RASSF5: variants seen among roughly 807,000 people sequenced by gnomAD.
RASSF5 encodes ras association domain-containing protein 5.
Under a neutral mutation model 40.5 loss-of-function variants are expected in RASSF5, and 25 were observed. The observed-to-expected ratio is 0.62, with a 90% CI of 0.45 to 0.86. The LOEUF (loss-of-function observed/expected upper bound fraction) is 0.86, where lower values mean the gene tolerates loss of function less well. Among genes scored for constraint, RASSF5 ranks in the 40% least tolerant of loss-of-function variants. RASSF5 has a pLI of 0.00. For missense variants in RASSF5, 521 were observed against 572.8 expected (o/e 0.91, Z 0.92); for synonymous variants, 246 against 252.4 (o/e 0.97, Z 0.24).
At chr1:206,580,562 A>G (rs1668831760) in intron 2 of RASSF5, 1 of 152,200 alleles carries the variant, frequency 6.6e-6, no homozygotes, top group Non-Finnish European at 1.5e-5. Flanking sequence ...AGGACTGAGG[A>G]TGGGGAGCTC....
At position 206,583,294 on chromosome 1, in the gene RASSF5, C is replaced by T; in HGVS notation, c.605C>T (p.Thr202Ile). ...SQNVCKPVEETQRPPTLQEIK... is the reference protein window; with the variant it reads ...SQNVCKPVEEIQRPPTLQEIK... ...AATGTCTGTAAACCTGTGGAGGAGA[C>T]ACAGCGCCCGCCCACACTGCAGGAG... Residue 202 changes from threonine to isoleucine, a missense_variant, in exon 3 of 6, where the codon ACA (threonine) becomes ATA (isoleucine). Around this residue, in one of 2 missense-constraint regions of RASSF5, gnomAD observed 284 missense variants for 360.8 expected, o/e 0.79. Coordinates refer to ENST00000579436, the MANE Select transcript of RASSF5 (RefSeq NM_182663.4). 6.2e-7 allele frequency: 1 copy of T among 1,613,468 alleles called. No homozygotes were observed. The highest frequency in any genetic ancestry group is 1.1e-5 in the South Asian group (1 of 91,072).
intron 2 of RASSF5, chr1:206,572,657 C>G (rs568163085): frequency 2.7e-4 from 41 of 152,324 alleles, no homozygotes; most frequent in African/African-American, 9.6e-4. Flanking sequence ...CATCGTGCCA[C>G]AGGCACACAC....
chr1:206,551,458 T>G (rs1217652938), intron 2 of RASSF5, among the ~76,000 whole-genome samples: 1 of 152,172 alleles, frequency 6.6e-6, no homozygotes, highest in African/African-American at 2.4e-5. Flanking sequence ...CTTCACAGAC[T>G]CCTGCCACAC....
At chr1:206,522,061 G>T (rs761833697) in intron 1 of RASSF5, among the ~76,000 whole-genome samples, 7 of 152,082 alleles carry the variant, frequency 4.6e-5, no homozygotes, top group Non-Finnish European at 7.4e-5. Context: ...CCTGGCAATA[G>T]GATTTCTTTT....
At chr1:206,528,777 C>T (rs1303574625) in intron 1 of RASSF5, 2 of 339,098 alleles carry the variant, frequency 5.9e-6, no homozygotes, top group African/African-American at 2.1e-5. Flanking sequence ...GTGTCTCACA[C>T]CTGTAATCCT....
chr1:206,509,243 T>C (rs1666550999), intron 1 of RASSF5, among the ~76,000 whole-genome samples: 2 of 152,232 alleles, frequency 1.3e-5, no homozygotes, highest in Admixed American at 6.5e-5. Flanking sequence ...CCCTACCCTT[T>C]TTCTGCCTGC....
chr1:206,571,090 GCTTGTTATTTT>G (rs1431822018), intron 2 of RASSF5, among the ~76,000 whole-genome samples: 1 of 152,094 alleles, frequency 6.6e-6, no homozygotes, highest in Non-Finnish European at 1.5e-5. Flanking sequence ...CCATGCCAAT[GCTTGTTATTTT>G]CTTGTTTATT....
Position 206,584,709 on chromosome 1 carries a change from A to G in RASSF5, c.988+25A>G. On this transcript the variant is annotated intron_variant, in intron 4 of 5. Transcript: ENST00000579436. The surrounding 1 kb of genome is among the most constrained non-coding windows in gnomAD (Gnocchi z 4.9). ...GGTAGGAGAAAGAGTGAACCCAACC[A>G]GACCGTTCCCTTCCTACCTGTGTCC... 1.2e-6 allele frequency: 2 copies of G among 1,613,594 alleles called. No homozygotes were observed. Among genetic ancestry groups the G allele is most frequent in the Non-Finnish European group, 1.7e-6 (2 of 1,179,640 alleles).
At position 206,584,348 on chromosome 1, in the gene RASSF5, G is replaced by A. The variant is rs782357811; in HGVS notation, c.691-39G>A. ...AGTGGCAGATATGATCATGCAAGGC[G>A]GACGGCCCTGACCCCCTGTGACATG... On this transcript the variant is annotated intron_variant, in intron 3 of 5. Transcript: ENST00000579436. The surrounding 1 kb of genome is among the most constrained non-coding windows in gnomAD (Gnocchi z 4.9). 144 of 1,571,708 alleles carry A rather than the reference G, an allele frequency of 9.2e-5. No homozygotes were observed. Among genetic ancestry groups the A allele is most frequent in the African/African-American group, 2.4e-4 (18 of 74,032 alleles).
chr1:206,576,746 C>T (rs1668673405), intron 2 of RASSF5, among the ~76,000 whole-genome samples: 1 of 152,188 alleles, frequency 6.6e-6, no homozygotes, highest in Non-Finnish European at 1.5e-5. Context: ...AGGCAGGAGA[C>T]TCTGCACAAA....
rs546235550 is a variant in RASSF5 at position 206,529,914 on chromosome 1, CA to C, written c.458-8250del. Among the ~76,000 whole-genome samples, 6 of 150,822 alleles carry C rather than the reference CA, an allele frequency of 4.0e-5. 1 individual carries two copies. Among genetic ancestry groups the C allele is most frequent in the South Asian group, 4.2e-4 (2 of 4,760 alleles). On this transcript the variant is annotated intron_variant, in intron 1 of 5. Coordinates refer to ENST00000579436, the MANE Select transcript of RASSF5 (RefSeq NM_182663.4). ...TGGGTGGCACAGTGAGACCCTGCCT[CA>C]AAAAAAATAAATACAATAAAATAAA...
chr1:206,569,901 C>T (rs1430470005), intron 2 of RASSF5, among the ~76,000 whole-genome samples: 2 of 151,994 alleles, frequency 1.3e-5, no homozygotes, highest in Admixed American at 6.6e-5. Context: ...GAGGGCTTGG[C>T]GTGATGGAGG....
chr1:206,541,682 T>G (rs554710069), intron 2 of RASSF5: 1 of 152,348 alleles, frequency 6.6e-6, no homozygotes, highest in Non-Finnish European at 1.5e-5. Context: ...AAGCCTCATT[T>G]GCTAAGGAAC....
rs1443545967 is a variant in RASSF5 at position 206,535,880 on chromosome 1, G to C, written c.458-2292G>C. On this transcript the variant is annotated intron_variant, in intron 1 of 5. Coordinates refer to ENST00000579436, the MANE Select transcript of RASSF5 (RefSeq NM_182663.4). The surrounding 1 kb of genome is among the most constrained non-coding windows in gnomAD (Gnocchi z 5.0). ...CTCCCAGGTGCCTTCCCATTTGTGA[G>C]TTATGGCAGCTGTCATCACCGTGGA... is the stretch of plus-strand genomic sequence containing the variant. Among the ~76,000 whole-genome samples, 2 of 152,130 alleles carry C rather than the reference G, an allele frequency of 1.3e-5. No individual in the cohort carries two copies. The highest frequency in any genetic ancestry group is 2.9e-5 in the Non-Finnish European group (2 of 68,014).
At chr1:206,532,437 G>A (rs1412108752) in intron 1 of RASSF5, among the ~76,000 whole-genome samples, 1 of 152,202 alleles carries the variant, frequency 6.6e-6, no homozygotes, top group Non-Finnish European at 1.5e-5. Context: ...AGCTAATTGA[G>A]CGGGGCCTGG....
chr1:206,529,545 G>A (rs537555617), intron 1 of RASSF5: 18 of 1,002,530 alleles, frequency 1.8e-5, no homozygotes, highest in East Asian at 7.1e-5. Context: ...AGACAAGGGC[G>A]CTTTGGCTAA....
chr1:206,530,348 A>G (rs1667205216), intron 1 of RASSF5, among the ~76,000 whole-genome samples: 1 of 152,244 alleles, frequency 6.6e-6, no homozygotes, highest in South Asian at 2.1e-4. Context: ...AATATGCATC[A>G]TCTTATATAA....
chr1:206,545,011 G>A (rs1344490127), intron 2 of RASSF5: 1 of 152,282 alleles, frequency 6.6e-6, no homozygotes, highest in Non-Finnish European at 1.5e-5. Context: ...GCGCCTAAAA[G>A]GGCAGGTGCT....
At chr1:206,550,085 C>G (rs183096287) in intron 2 of RASSF5, among the ~76,000 whole-genome samples, 8 of 152,278 alleles carry the variant, frequency 5.3e-5, no homozygotes, top group Non-Finnish European at 2.9e-5. Context: ...TTTCCAGGCT[C>G]CACCTTAGTA....
Sources: allele counts gnomAD v4.1 joint callset (sites outside exome capture counted in the v4.1 genomes callset), GRCh38; gene constraint gnomAD v4.1.1; regional missense constraint gnomAD v4.1.1; non-coding constraint Gnocchi (gnomAD v3.1); transcripts MANE v1.5; gene names NCBI Gene and HGNC (gene_info 2026-07-23, HGNC 2026-07-21).